DCUN1D2: variants seen among roughly 807,000 people sequenced by gnomAD.
The protein encoded by DCUN1D2 is DCN1-like protein 2.
DCUN1D2 carries 29 observed loss-of-function variants against 30.9 expected under a neutral mutation model. That is an observed-to-expected ratio of 0.94 (90% confidence interval 0.70 to 1.28). The LOEUF (loss-of-function observed/expected upper bound fraction) is 1.28. DCUN1D2 is among the 50% of genes most tolerant of loss of function. DCUN1D2 has a pLI of 0.00. For missense variants in DCUN1D2, 325 were observed against 316.9 expected, an observed-to-expected ratio of 1.03 and a Z score of -0.19; for synonymous variants, 121 against 115.3, an observed-to-expected ratio of 1.05 and a Z score of -0.32.
intron 1 of DCUN1D2, among the ~76,000 whole-genome samples, chr13:113,487,738 G>C (rs947316894): frequency 6.6e-6 from 1 of 152,178 alleles, no homozygotes; most frequent in African/African-American, 2.4e-5. Flanking sequence ...TACAGTTATC[G>C]TTCGGGGTGA....
intron 2 of DCUN1D2, among the ~76,000 whole-genome samples, chr13:113,483,512 C>G (rs753666659): frequency 6.6e-6 from 1 of 152,226 alleles, no homozygotes; most frequent in Non-Finnish European, 1.5e-5. Flanking sequence ...GACACAGTCA[C>G]GCCAAGACAC....
chr13:113,464,766 T>C (rs2044374139), intron 4 of DCUN1D2, among the ~76,000 whole-genome samples: 1 of 152,252 alleles, frequency 6.6e-6, no homozygotes, highest in South Asian at 2.1e-4. Flanking sequence ...TCTGCCCAAG[T>C]TCCTGACCCA....
intron 2 of DCUN1D2, among the ~76,000 whole-genome samples, chr13:113,481,165 T>C (rs1165209569): frequency 1.3e-5 from 2 of 152,206 alleles, no homozygotes; most frequent in East Asian, 3.8e-4. Flanking sequence ...CCAAAGTAAA[T>C]GAATGATTGA....
intron 3 of DCUN1D2, among the ~76,000 whole-genome samples, chr13:113,475,187 G>A (rs1004158235): frequency 2.0e-5 from 3 of 152,168 alleles, no homozygotes; most frequent in African/African-American, 7.2e-5. Flanking sequence ...AGTCCTGCGC[G>A]CAGTCACGGT....
intron 3 of DCUN1D2, among the ~76,000 whole-genome samples, chr13:113,477,552 G>A (rs1034064718): frequency 1.3e-5 from 2 of 152,152 alleles, no homozygotes; most frequent in African/African-American, 4.8e-5. Flanking sequence ...ATGATCTCCT[G>A]TTTAATACTG....
intron 1 of DCUN1D2, among the ~76,000 whole-genome samples, chr13:113,487,090 A>T (rs1012070246): frequency 6.6e-6 from 1 of 152,250 alleles, no homozygotes; most frequent in African/African-American, 2.4e-5. Context: ...CTCTGGTAAG[A>T]TCAAATTTAG....
At chr13:113,459,622 A>G in intron 5 of DCUN1D2, 1 of 395,030 alleles carries the variant, frequency 2.5e-6, no homozygotes. Flanking sequence ...ATTTAAGAAC[A>G]AAACATTTTA....
intron 5 of DCUN1D2, among the ~76,000 whole-genome samples, chr13:113,460,003 A>G (rs144378072): frequency 2.4e-4 from 36 of 152,324 alleles, no homozygotes; most frequent in African/African-American, 7.9e-4. Flanking sequence ...TTCTCCACGC[A>G]CAAGAGCGTG....
chr13:113,460,168 C>G (rs2044295547), intron 5 of DCUN1D2, among the ~76,000 whole-genome samples: 1 of 152,208 alleles, frequency 6.6e-6, no homozygotes, highest in Non-Finnish European at 1.5e-5. Context: ...CTCTCCATGG[C>G]AAACCCACAG....
At chr13:113,491,424 T>TGGGGCTCCCCTCTCTCCCTCCCC (rs1291874204), upstream of DCUN1D2, among the ~76,000 whole-genome samples, 1 of 139,538 alleles carries the variant, frequency 7.2e-6, no homozygotes, top group South Asian at 2.5e-4. Flanking sequence ...CCTCCCTCCC[T>TGGGGCTCCCCTCTCTCCCTCCCC]GGGGCTCCCC....
At chr13:113,469,464 G>GA (rs1418790596) in intron 4 of DCUN1D2, among the ~76,000 whole-genome samples, 1 of 151,896 alleles carries the variant, frequency 6.6e-6, no homozygotes, top group Non-Finnish European at 1.5e-5. Flanking sequence ...AGGACTGTGT[G>GA]AGACCAGCAG....
intron 4 of DCUN1D2, among the ~76,000 whole-genome samples, chr13:113,468,200 A>G (rs1171415530): frequency 6.6e-6 from 1 of 152,340 alleles, no homozygotes; most frequent in East Asian, 1.9e-4. Flanking sequence ...CACAGGGAAT[A>G]TTATTCAACC....
At chr13:113,489,944 C>T (rs937036507) in intron 1 of DCUN1D2, among the ~76,000 whole-genome samples, 5 of 152,154 alleles carry the variant, frequency 3.3e-5, no homozygotes, top group Admixed American at 6.5e-5. Context: ...CATCAACTCC[C>T]TCAACGCCAA....
chr13:113,486,293 G>A (rs1390959670), intron 1 of DCUN1D2, among the ~76,000 whole-genome samples: 1 of 152,114 alleles, frequency 6.6e-6, no homozygotes, highest in East Asian at 1.9e-4. Flanking sequence ...AGTGGGAGCT[G>A]AACACTGAGC....
In DCUN1D2 at chr13:113,483,875, T is replaced by C. The variant is rs1413553447; in HGVS notation, c.185A>G (p.Lys62Arg). Residue 62 changes from lysine to arginine, a missense_variant, in exon 2 of 7, where the codon AAG becomes AGG. Lys to Arg is a conservative substitution (Grantham distance 26). Transcript: ENST00000478244. ...HRESMRNAVD[K>R]KKLERLYGRY... The stretch of plus-strand genomic sequence containing the variant: ...GCCGTACAGCCGCTCCAGCTTCTTC[T>C]TGTCCACAGCGTTCCGCATGGACTC... 18 of 1,613,224 alleles carry C rather than the reference T, an allele frequency of 1.1e-5. No individual in the cohort carries two copies. Among genetic ancestry groups the C allele is most frequent in the Non-Finnish European group, 1.4e-5 (17 of 1,180,044 alleles).
chr13:113,486,986 G>C (rs1486391062), intron 1 of DCUN1D2, among the ~76,000 whole-genome samples: 1 of 152,224 alleles, frequency 6.6e-6, no homozygotes, highest in Non-Finnish European at 1.5e-5. Flanking sequence ...CCCCGATCTA[G>C]ATTCTAGAGG....
upstream of DCUN1D2, chr13:113,490,964 G>C (rs2044978589): frequency 5.1e-6 from 1 of 194,690 alleles, no homozygotes; most frequent in African/African-American, 2.3e-5. The surrounding 1 kb of genome is among the most constrained non-coding windows in gnomAD (Gnocchi z 5.2). Context: ...GCCGCCCGCG[G>C]CCGACGGGAC....
intron 3 of DCUN1D2, chr13:113,475,804 T>C (rs2044606950): frequency 6.6e-6 from 1 of 152,062 alleles, no homozygotes; most frequent in Non-Finnish European, 1.5e-5. Context: ...CACAACAGAG[T>C]GTGACCTTCT....
At position 113,457,876 on chromosome 13, in the gene DCUN1D2, TG is replaced by T. The variant is rs550788868; in HGVS notation, c.*152del. ...CCTGCGGTGTCCACAAAGCAGCCGCTGGCTGTCCTCCGGCAGAATGGGATGG... is the reference window on the plus strand; with the variant it reads ...CCTGCGGTGTCCACAAAGCAGCCGCTGCTGTCCTCCGGCAGAATGGGATGG... On this transcript the variant is annotated 3_prime_UTR_variant, in exon 7 of 7. Coordinates refer to ENST00000478244, the MANE Select transcript of DCUN1D2 (RefSeq NM_001014283.2). 181 of 729,740 alleles carry T rather than the reference TG, an allele frequency of 2.5e-4. No individual in the cohort carries two copies. In the African/African-American group the frequency reaches 2.8e-3, roughly 11 times the overall value. The allele number at this position is 729,740 out of a possible 1,614,324, so 45.2% of individuals were successfully genotyped here. A position where few individuals can be genotyped will look rare whatever the true frequency, so the allele number is the denominator to read the frequency against.
Sources: allele counts gnomAD v4.1 joint callset (sites outside exome capture counted in the v4.1 genomes callset), GRCh38; gene constraint gnomAD v4.1.1; non-coding constraint Gnocchi (gnomAD v3.1); transcripts MANE v1.5; gene names NCBI Gene and HGNC (gene_info 2026-07-23, HGNC 2026-07-21).